MACF1: variants seen among roughly 807,000 people sequenced by gnomAD.
MACF1 encodes microtubule-actin cross-linking factor 1.
A neutral mutation model predicts 854.8 loss-of-function variants in MACF1; 193 were observed. That is an observed-to-expected ratio of 0.23 (90% CI 0.20 to 0.25). The LOEUF is 0.25. Ranked by LOEUF, MACF1 falls within the 10% of genes least tolerant of loss-of-function variation. The pLI, the probability that MACF1 is intolerant of heterozygous loss-of-function variation, is 1.00. For synonymous variants in MACF1, 3,185 were observed against 3,226.7 expected, an observed-to-expected ratio of 0.99 and a Z score of 0.44; for missense variants, 7,722 against 8,929.1, an observed-to-expected ratio of 0.86 and a Z score of 5.45.
At chr1:39,351,076 C>G in intron 43 of MACF1, 58 bp downstream of exon 43, 1 of 1,283,944 alleles carries the variant, frequency 7.8e-7, no homozygotes, top group Non-Finnish European at 1.1e-6. Flanking sequence ...GGTACCAACA[C>G]AAATAAAAGA....
chr1:39,299,271 G>A (rs1223665678), intron 21 of MACF1: 2 of 455,960 alleles, frequency 4.4e-6, no homozygotes, highest in Non-Finnish European at 8.8e-6. Context: ...GTTTATTTAA[G>A]CATTTCTTTT....
chr1:39,084,457 C>T lies in MACF1; in HGVS notation c.220+19C>T. Reference sequence around the variant, plus strand: ...GTCGCTGGTAAGAGAGGTCCCCCAGCAGGCTGGACGCTGTGGGTGTGAGGG... The same window carrying T: ...GTCGCTGGTAAGAGAGGTCCCCCAGTAGGCTGGACGCTGTGGGTGTGAGGG... On this transcript the variant is annotated intron_variant, in intron 2 of 93. Transcript: ENST00000361689. This position sits in a 1 kb window ranked among gnomAD's most constrained non-coding sequence, Gnocchi z 5.2. 6.3e-7 allele frequency: 1 copy of T among 1,595,846 alleles called. No homozygotes were observed. The highest frequency in any genetic ancestry group is 8.5e-7 in the Non-Finnish European group (1 of 1,175,296).
intron 2 of MACF1, among the ~76,000 whole-genome samples, chr1:39,104,216 G>A (rs552960984): frequency 6.6e-5 from 10 of 152,180 alleles, no homozygotes; most frequent in Non-Finnish European, 1.5e-4. Context: ...GGGGGGTGGC[G>A]GGCACAACGT....
In MACF1 at chr1:39,294,050, C is replaced by T. The variant is rs184030620; in HGVS notation, c.2154+431C>T. On this transcript the variant is annotated intron_variant, in intron 18 of 100. Transcript: ENST00000564288. ...AAAGCTACCCCCTCCCCTAATAGCA[C>T]GTATTCCCCAACGGTTGCATAAAAG... Among the ~76,000 whole-genome samples, 30 of 152,242 alleles carry T rather than the reference C, an allele frequency of 2.0e-4. 1 individual carries two copies. The East Asian group carries it at 5.2e-3, about 26-fold the overall frequency.
In MACF1 at chr1:39,176,025, T is replaced by A. The variant is rs1181491859; in HGVS notation, c.221-55157T>A. Among the ~76,000 whole-genome samples, 6 of 144,520 alleles carry A rather than the reference T, an allele frequency of 4.2e-5. No individual in the cohort carries two copies. The South Asian group carries it at 1.3e-3, about 32-fold the overall frequency. The allele number at this position is 144,520 out of a possible 152,430, so 94.8% of individuals were successfully genotyped here. A position where few individuals can be genotyped will look rare whatever the true frequency, so the allele number is the denominator to read the frequency against. On this transcript the variant is annotated intron_variant, in intron 2 of 93. Coordinates refer to the MACF1 transcript ENST00000361689. Reference sequence around the variant, plus strand: ...CTCGGGAGGCTGAGGCAGGAGAATGTCATGAACCCGGGAGGCGGAGCTTGC... The same window carrying A: ...CTCGGGAGGCTGAGGCAGGAGAATGACATGAACCCGGGAGGCGGAGCTTGC...
At position 39,334,135 on chromosome 1, in the gene MACF1, T is replaced by C. The variant is rs1646772754; in HGVS notation, c.7547T>C (p.Leu2516Pro). 1 of 1,614,066 alleles carries C rather than the reference T, an allele frequency of 6.2e-7. No individual in the cohort carries two copies. Among genetic ancestry groups the C allele is most frequent in the Non-Finnish European group, 8.5e-7 (1 of 1,180,036 alleles). The change falls in exon 37 of 101, where the codon CTT (leucine) becomes CCT (proline). Residue 2516 changes from leucine (L) to proline (P), a missense_variant. Leu to Pro is a moderately conservative substitution (Grantham distance 98). Coordinates refer to ENST00000564288, the MANE Select transcript of MACF1 (RefSeq NM_001394062.1). ...ATTCACCATATATCTGGGATGAGAC[T>C]TTCTGTTGATAATGCCTTCAGACAT... ...GIIHHISGMR[L>P]SVDNAFRHGL... is the part of the protein sequence containing the mutation.
chr1:39,117,463 G>A (rs946596930), intron 2 of MACF1, among the ~76,000 whole-genome samples: 2 of 151,916 alleles, frequency 1.3e-5, no homozygotes, highest in Non-Finnish European at 2.9e-5. Context: ...CACTAATTTG[G>A]AGAATCTTTG....
chr1:39,335,813 C>T lies in MACF1; in HGVS notation c.9225C>T (p.Asn3075=). 1.2e-6 allele frequency: 2 copies of T among 1,614,118 alleles called. No individual in the cohort carries two copies. The highest frequency in any genetic ancestry group is 1.7e-6 in the Non-Finnish European group (2 of 1,179,998). ...SSKQANEGKV[N]NLSLCLTLKP... ...AACAGGCCAATGAAGGAAAAGTAAA[C>T]AATTTAAGTCTCTGCTTGACTTTAA... Residue 3075 remains asparagine, a synonymous_variant, in exon 37 of 101, where the codon AAC becomes AAT. Transcript: ENST00000564288.
Position 39,331,874 on chromosome 1 carries a change from T to A in MACF1, c.5286T>A (p.Thr1762=). 1.2e-6 allele frequency: 2 copies of A among 1,614,194 alleles called. No homozygotes were observed. Among genetic ancestry groups the A allele is most frequent in the South Asian group, 2.2e-5 (2 of 91,082 alleles). Residue 1762 remains threonine (T), a synonymous_variant, in exon 37 of 101, where the codon ACT becomes ACA. Coordinates refer to ENST00000564288, the MANE Select transcript of MACF1 (RefSeq NM_001394062.1). The part of the protein sequence containing the change: ...VQEGLIDRQV[T]VRLLEAQLFA... ...AAGGGCTAATAGATAGGCAGGTCAC[T>A]GTCCGGTTGCTGGAAGCTCAGCTTT...
At chr1:39,352,790 T>TA (rs1378725837) in intron 43 of MACF1, among the ~76,000 whole-genome samples, 1 of 151,742 alleles carries the variant, frequency 6.6e-6, no homozygotes, top group African/African-American at 2.4e-5. Flanking sequence ...TTTTTTTTTT[T>TA]AAAGCAGTAA....
In MACF1 at chr1:39,361,497, C is replaced by T. The variant is rs746742941; in HGVS notation, c.12591C>T (p.Phe4197=). 14 of 1,614,012 alleles carry T rather than the reference C, an allele frequency of 8.7e-6. No individual in the cohort carries two copies. The highest frequency in any genetic ancestry group is 7.7e-5 in the South Asian group (7 of 91,064). The change falls in exon 49 of 101, where the codon TTC becomes TTT. Residue 4197 remains phenylalanine (F), a synonymous_variant. Coordinates refer to ENST00000564288, the MANE Select transcript of MACF1 (RefSeq NM_001394062.1). ...QGKLAEVSQR[F]EQLCLQQQEK... is the part of the protein sequence containing the mutation. ...AACTGGCAGAGGTGAGCCAGCGGTT[C>T]GAACAGCTCTGTCTACAGCAGCAAG...
chr1:39,121,736 C>T (rs1473872668), intron 2 of MACF1, among the ~76,000 whole-genome samples: 1 of 152,214 alleles, frequency 6.6e-6, no homozygotes, highest in Non-Finnish European at 1.5e-5. Context: ...GCGTGAGCCA[C>T]CGCGCCAGGC....
At chr1:39,354,828 A>G (rs758918811) in intron 44 of MACF1, among the ~76,000 whole-genome samples, 30 of 152,246 alleles carry the variant, frequency 2.0e-4, no homozygotes, top group Non-Finnish European at 3.4e-4. Context: ...AAAACAAAAC[A>G]AAAAAGCAGA....
intron 2 of MACF1, among the ~76,000 whole-genome samples, chr1:39,102,477 A>G (rs1013114638): frequency 6.6e-6 from 1 of 151,990 alleles, no homozygotes; most frequent in Non-Finnish European, 1.5e-5. Context: ...GAGTTTCAGC[A>G]GAAGCATGGG....
At chr1:39,436,403 T>C in intron 70 of MACF1, 1 of 1,490,334 alleles carries the variant, frequency 6.7e-7, no homozygotes, top group Non-Finnish European at 9.4e-7. Context: ...AATGTGTTAC[T>C]TTGTGTTGTT....
chr1:39,437,347 G>A (rs1644002773), intron 70 of MACF1, among the ~76,000 whole-genome samples: 1 of 143,410 alleles, frequency 7.0e-6, no homozygotes, highest in Non-Finnish European at 1.5e-5. Context: ...GTCTTACTCT[G>A]TCGCCCAGGC....
At chr1:39,418,272 A>G (rs919135712) in intron 58 of MACF1, among the ~76,000 whole-genome samples, 1 of 152,110 alleles carries the variant, frequency 6.6e-6, no homozygotes, top group Non-Finnish European at 1.5e-5. Context: ...TCATTTTTGA[A>G]CTGTTAGGCT....
chr1:39,120,687 T>G (rs1472976358), intron 2 of MACF1, among the ~76,000 whole-genome samples: 1 of 152,158 alleles, frequency 6.6e-6, no homozygotes, highest in African/African-American at 2.4e-5. Context: ...TTTTAAAAAT[T>G]TGTTTTTAAA....
chr1:39,327,081 G>A, intron 35 of MACF1, 137 bp from the exon 36 acceptor site: 1 of 829,528 alleles, frequency 1.2e-6, no homozygotes, highest in Middle Eastern at 3.7e-4. Context: ...AGAACTGACT[G>A]AAATGCCAAA....
Sources: allele counts gnomAD v4.1 joint callset (sites outside exome capture counted in the v4.1 genomes callset), GRCh38; gene constraint gnomAD v4.1.1; non-coding constraint Gnocchi (gnomAD v3.1); transcripts MANE v1.5; gene names NCBI Gene and HGNC (gene_info 2026-07-23, HGNC 2026-07-21).